TNIK: variants seen among roughly 807,000 people sequenced by gnomAD.
The protein encoded by TNIK is TRAF2 and NCK interacting kinase.
Under a neutral mutation model 191.3 loss-of-function variants are expected in TNIK, and 49 were observed. The ratio of observed to expected loss-of-function variants is 0.26; its 90% CI spans 0.20 to 0.32. The LOEUF (loss-of-function observed/expected upper bound fraction) is 0.32. Among genes scored for constraint, TNIK ranks in the 10% least tolerant of loss-of-function variants. TNIK has a pLI of 1.00. For missense variants in TNIK, 1,155 were observed against 1,702.3 expected, an observed-to-expected ratio of 0.68 and a Z score of 5.66; for synonymous variants, 594 against 600.9, an observed-to-expected ratio of 0.99 and a Z score of 0.17.
At chr3:171,454,850 T>C (rs925990626) in intron 1 of TNIK, among the ~76,000 whole-genome samples, 2 of 152,210 alleles carry the variant, frequency 1.3e-5, no homozygotes, top group Non-Finnish European at 2.9e-5. Context: ...TTTTAAATAC[T>C]GGGCCATTAG....
At chr3:171,426,245 G>C (rs1479020592) in intron 1 of TNIK, among the ~76,000 whole-genome samples, 1 of 151,886 alleles carries the variant, frequency 6.6e-6, no homozygotes, top group Non-Finnish European at 1.5e-5. Context: ...ATGAGTTCAT[G>C]TCCTTTGCAG....
chr3:171,193,546 C>T (rs1322042046), intron 5 of TNIK, among the ~76,000 whole-genome samples: 2 of 152,048 alleles, frequency 1.3e-5, no homozygotes, highest in African/African-American at 4.8e-5. Flanking sequence ...TTTAAAATTC[C>T]ATTTTCTATT....
At chr3:171,305,366 G>A (rs1347072743) in intron 2 of TNIK, among the ~76,000 whole-genome samples, 2 of 152,080 alleles carry the variant, frequency 1.3e-5, no homozygotes, top group Admixed American at 6.6e-5. Flanking sequence ...TGACAAATGG[G>A]ACCTAATTAA....
chr3:171,401,645 G>A lies in TNIK; in HGVS notation c.58-31960C>T, dbSNP rs550981882. Among the ~76,000 whole-genome samples the A allele has an allele frequency of 4.8e-3, 726 of 152,220 alleles. 6 individuals are homozygous for A. The highest frequency in any genetic ancestry group is 8.2e-3 in the Non-Finnish European group (557 of 68,010). ...GAGGAGGGGCAACACTTTATCAAAT[G>A]TCTAGGAGCATCAAGGTACATCGTG... On this transcript the variant is annotated intron_variant, in intron 1 of 32. Coordinates refer to ENST00000436636, the MANE Select transcript of TNIK (RefSeq NM_015028.4).
At chr3:171,253,598 C>T (rs35167769) in intron 2 of TNIK, among the ~76,000 whole-genome samples, 2,572 of 140,368 alleles carry the variant, frequency 0.018, 36 homozygotes, top group Middle Eastern at 0.036. Context: ...GTCCCCCCCC[C>T]ACCCCACCCC....
intron 2 of TNIK, among the ~76,000 whole-genome samples, chr3:171,348,199 A>G (rs1223153209): frequency 6.6e-6 from 1 of 152,228 alleles, no homozygotes; most frequent in Non-Finnish European, 1.5e-5. Context: ...AAACCAGAGC[A>G]CAAGTACTCC....
At chr3:171,363,264 A>G (rs1715242380) in intron 2 of TNIK, among the ~76,000 whole-genome samples, 1 of 152,172 alleles carries the variant, frequency 6.6e-6, no homozygotes. Flanking sequence ...GATTTAATAA[A>G]TGTTCTTCCT....
At chr3:171,111,066 G>A (rs73037401) in intron 18 of TNIK, among the ~76,000 whole-genome samples, 189 bp from the exon 19 acceptor site, 2,297 of 152,272 alleles carry the variant, frequency 0.015, 59 homozygotes, top group African/African-American at 0.045. Flanking sequence ...GAGACATGCA[G>A]ATAGCCAATA....
At chr3:171,247,922 G>A (rs1403497584) in intron 2 of TNIK, among the ~76,000 whole-genome samples, 3 of 152,134 alleles carry the variant, frequency 2.0e-5, no homozygotes, top group Admixed American at 6.5e-5. Context: ...GGCAAAGAGG[G>A]TAGAAAAAAG....
chr3:171,365,337 C>T (rs1715589379), intron 2 of TNIK, among the ~76,000 whole-genome samples: 3 of 151,618 alleles, frequency 2.0e-5, no homozygotes, highest in Middle Eastern at 3.4e-3. Flanking sequence ...CATGTGCCAC[C>T]ACGCCCAGCT....
chr3:171,166,368 A>G (rs988311401), intron 10 of TNIK, among the ~76,000 whole-genome samples: 4 of 152,224 alleles, frequency 2.6e-5, no homozygotes, highest in Non-Finnish European at 5.9e-5. Flanking sequence ...CCTAATATAC[A>G]GTATTAGCAT....
At chr3:171,399,589 AG>A (rs1389607468) in intron 1 of TNIK, among the ~76,000 whole-genome samples, 1 of 152,218 alleles carries the variant, frequency 6.6e-6, no homozygotes, top group Non-Finnish European at 1.5e-5. Context: ...TCAATGCTAG[AG>A]AATAGTAGGC....
chr3:171,260,850 C>T (rs1747516738), intron 2 of TNIK, among the ~76,000 whole-genome samples: 1 of 152,142 alleles, frequency 6.6e-6, no homozygotes, highest in Non-Finnish European at 1.5e-5. Flanking sequence ...GGATGTTTTT[C>T]CAAAGCTAGT....
At chr3:171,213,392 G>C (rs960122681) in intron 3 of TNIK, among the ~76,000 whole-genome samples, 1 of 152,008 alleles carries the variant, frequency 6.6e-6, no homozygotes, top group Non-Finnish European at 1.5e-5. Flanking sequence ...TAAAAGACAC[G>C]GATCACTTTC....
At chr3:171,082,099 C>A (rs897172302) in intron 27 of TNIK, among the ~76,000 whole-genome samples, 152 bp downstream of exon 27, 5 of 152,230 alleles carry the variant, frequency 3.3e-5, no homozygotes, top group Admixed American at 2.6e-4. Context: ...CCCAGTGTTA[C>A]AAAATGTGGG....
chr3:171,431,098 T>C lies in TNIK; in HGVS notation c.57+28909A>G, dbSNP rs943859032. On this transcript the variant is annotated intron_variant, in intron 1 of 32. Coordinates refer to ENST00000436636, the MANE Select transcript of TNIK (RefSeq NM_015028.4). ...TTTAGAAACCTATATTTCAGAAAGG[T>C]TAAATTAATTAAGCAAAGAATCTTC... Among the ~76,000 whole-genome samples the C allele has an allele frequency of 2.6e-5, 4 of 152,016 alleles. No individual in the cohort carries two copies. The South Asian group carries it at 8.3e-4, about 32-fold the overall frequency.
intron 23 of TNIK, among the ~76,000 whole-genome samples, chr3:171,091,415 G>C (rs1293453597): frequency 1.3e-5 from 2 of 152,096 alleles, no homozygotes; most frequent in Non-Finnish European, 1.5e-5. Context: ...GGACTTCTCA[G>C]CCTCCATATC....
At chr3:171,338,936 C>T (rs765686757) in intron 2 of TNIK, among the ~76,000 whole-genome samples, 1 of 152,188 alleles carries the variant, frequency 6.6e-6, no homozygotes, top group Non-Finnish European at 1.5e-5. Flanking sequence ...CTAGGACTGT[C>T]TGACTCTGCC....
At chr3:171,164,727 C>T (rs144115700) in intron 10 of TNIK, among the ~76,000 whole-genome samples, 1 of 152,286 alleles carries the variant, frequency 6.6e-6, no homozygotes, top group African/African-American at 2.4e-5. Flanking sequence ...CTAAAATATG[C>T]CCTTAAAAAT....
Sources: gnomAD v4.1 joint callset for allele counts (sites outside exome capture counted in the v4.1 genomes callset) on GRCh38, gnomAD v4.1.1 for gene constraint, MANE v1.5 for transcripts, NCBI Gene and HGNC (gene_info 2026-07-23, HGNC 2026-07-21) for gene names.